The following CDH12 variants were observed in gnomAD, a reference collection of about 807,000 sequenced individuals.
CDH12 encodes cadherin 12, also known as cadherin-12.
Under a neutral mutation model 74.1 loss-of-function variants are expected in CDH12, and 41 were observed. That is an observed-to-expected ratio of 0.55 (90% CI 0.43 to 0.72). CDH12 has a LOEUF of 0.72. Among genes scored for constraint, CDH12 ranks in the 30% least tolerant of loss-of-function variants. CDH12 has a pLI of 0.00. For synonymous variants in CDH12, 399 were observed against 355.0 expected, an observed-to-expected ratio of 1.12 and a Z score of -1.39; for missense variants, 945 against 977.2, an observed-to-expected ratio of 0.97 and a Z score of 0.44.
chr5:22,079,168 A>C (rs1742543988), intron 4 of CDH12, among the ~76,000 whole-genome samples: 1 of 152,218 alleles, frequency 6.6e-6, no homozygotes, highest in African/African-American at 2.4e-5. Flanking sequence ...AAAGTGAGCT[A>C]TTAAGTTAGA....
At chr5:21,857,596 C>G (rs1022413389) in intron 6 of CDH12, among the ~76,000 whole-genome samples, 2 of 151,770 alleles carry the variant, frequency 1.3e-5, no homozygotes, top group African/African-American at 4.8e-5. Context: ...ATTTATAAAA[C>G]TATGATAAAG....
intron 2 of CDH12, among the ~76,000 whole-genome samples, chr5:22,413,760 T>C (rs1040602517): frequency 5.3e-5 from 8 of 152,038 alleles, no homozygotes; most frequent in Non-Finnish European, 1.2e-4. Flanking sequence ...TTATCAGCTT[T>C]CTGCTATTTT....
intron 6 of CDH12, among the ~76,000 whole-genome samples, chr5:21,938,245 T>A (rs867974925): frequency 2.0e-5 from 3 of 151,944 alleles, no homozygotes; most frequent in South Asian, 2.1e-4. Context: ...TGACTACTGT[T>A]TTGTATAAGT....
At position 21,751,926 on chromosome 5, in the gene CDH12, T is replaced by C. The variant is rs1744100748; in HGVS notation, c.2196A>G (p.Pro732=). ...QENDVDPTAP[P]YDSLATYAYE... is the part of the protein sequence containing the mutation. ...AGGCATATGTGGCCAGTGAATCGTA[T>C]GGTGGGGCAGTTGGATCCACATCAT... Residue 732 remains proline (P), a synonymous_variant, in exon 15 of 15, where the codon CCA becomes CCG. Coordinates refer to ENST00000382254, the MANE Select transcript of CDH12 (RefSeq NM_004061.5). 1 of 1,614,066 alleles carries C rather than the reference T, an allele frequency of 6.2e-7. No individual in the cohort carries two copies. Among genetic ancestry groups the C allele is most frequent in the East Asian group, 2.2e-5 (1 of 44,862 alleles).
chr5:22,366,460 T>C (rs1227904861), intron 3 of CDH12, among the ~76,000 whole-genome samples: 3 of 152,138 alleles, frequency 2.0e-5, no homozygotes, highest in Admixed American at 1.3e-4. Context: ...AACATCTTTG[T>C]CCTTATCTTG....
At chr5:22,275,216 C>T (rs1736578109) in intron 3 of CDH12, among the ~76,000 whole-genome samples, 2 of 151,748 alleles carry the variant, frequency 1.3e-5, no homozygotes, top group Non-Finnish European at 2.9e-5. Context: ...ATGGGTGCAG[C>T]AAACCACCAT....
chr5:22,804,626 A>T (rs1187825108), intron 1 of CDH12, among the ~76,000 whole-genome samples: 1 of 152,182 alleles, frequency 6.6e-6, no homozygotes, highest in Non-Finnish European at 1.5e-5. Context: ...AAAGCCTTTA[A>T]ATGATTGGAT....
intron 3 of CDH12, among the ~76,000 whole-genome samples, chr5:22,318,151 A>C (rs913256678): frequency 2.0e-5 from 3 of 152,230 alleles, no homozygotes; most frequent in African/African-American, 4.8e-5. Context: ...TGGAGTGTCA[A>C]ATCAAATCAC....
At chr5:22,069,719 G>C (rs1741812044) in intron 5 of CDH12, among the ~76,000 whole-genome samples, 1 of 152,104 alleles carries the variant, frequency 6.6e-6, no homozygotes, top group African/African-American at 2.4e-5. Context: ...GATTCATCTT[G>C]AGTGCCAATG....
chr5:22,708,558 C>T (rs1416495099), intron 1 of CDH12, among the ~76,000 whole-genome samples: 1 of 151,950 alleles, frequency 6.6e-6, no homozygotes, highest in Non-Finnish European at 1.5e-5. Flanking sequence ...TGCAAACACA[C>T]CAGGGTAAAA....
intron 6 of CDH12, among the ~76,000 whole-genome samples, chr5:21,898,707 AT>A (rs1432648531): frequency 2.0e-5 from 3 of 151,930 alleles, no homozygotes; most frequent in Admixed American, 1.3e-4. Flanking sequence ...TCTCAAAAAA[AT>A]AAGTAAATAA....
chr5:22,801,879 A>C (rs920389707), intron 1 of CDH12, among the ~76,000 whole-genome samples: 8 of 151,154 alleles, frequency 5.3e-5, no homozygotes, highest in Admixed American at 4.0e-4. Flanking sequence ...CTTCTAAAAA[A>C]TTGTTATTCA....
Position 22,801,678 on chromosome 5 carries a change from TATATATAC to T in CDH12, c.-523+51372_-523+51379del, listed in dbSNP as rs60796488. On this transcript the variant is annotated intron_variant, in intron 1 of 14. Coordinates refer to ENST00000382254, the MANE Select transcript of CDH12 (RefSeq NM_004061.5). ...ATATATATATATATATATATATATA[TATATATAC>T]ACTTTGTTTAATAGGGAGAACACAT... is the stretch of plus-strand genomic sequence containing the variant. Among the ~76,000 whole-genome samples, 202 of 91,228 alleles carry T rather than the reference TATATATAC, an allele frequency of 2.2e-3. 4 individuals carry two copies. The highest frequency in any genetic ancestry group is 9.0e-3 in the African/African-American group (160 of 17,732). 59.8% of individuals were successfully genotyped at this position (91,228 alleles called of 152,430 possible).
At chr5:22,701,469 T>A (rs1742711242) in intron 1 of CDH12, among the ~76,000 whole-genome samples, 1 of 152,138 alleles carries the variant, frequency 6.6e-6, no homozygotes, top group African/African-American at 2.4e-5. Context: ...CTTCTTGTCC[T>A]GAAAACAAAA....
At chr5:22,471,270 G>A (rs1745947693) in intron 2 of CDH12, among the ~76,000 whole-genome samples, 1 of 152,138 alleles carries the variant, frequency 6.6e-6, no homozygotes, top group South Asian at 2.1e-4. Context: ...CTCTCTGCAG[G>A]TTTGTATGTA....
chr5:22,818,590 A>G (rs894523293), intron 1 of CDH12, among the ~76,000 whole-genome samples: 17 of 152,174 alleles, frequency 1.1e-4, no homozygotes, highest in African/African-American at 3.1e-4. Context: ...AGGATGCTTA[A>G]AAATCTAAAT....
intron 5 of CDH12, among the ~76,000 whole-genome samples, chr5:22,017,046 C>A (rs1486227532): frequency 1.3e-5 from 2 of 152,094 alleles, no homozygotes; most frequent in East Asian, 3.8e-4. Flanking sequence ...CAAACTCAAG[C>A]TAACTGGATC....
intron 3 of CDH12, among the ~76,000 whole-genome samples, chr5:22,394,373 T>A (rs1201203800): frequency 2.0e-5 from 3 of 152,070 alleles, no homozygotes; most frequent in African/African-American, 7.2e-5. Context: ...GATGATAATA[T>A]GACAGAAAAT....
chr5:22,731,966 A>G (rs564508661), intron 1 of CDH12, among the ~76,000 whole-genome samples: 1 of 152,038 alleles, frequency 6.6e-6, no homozygotes, highest in South Asian at 2.1e-4. Context: ...ACAATAATGA[A>G]GGAAAACAAA....
Sources: allele counts gnomAD v4.1 joint callset (sites outside exome capture counted in the v4.1 genomes callset), GRCh38; gene constraint gnomAD v4.1.1; transcripts MANE v1.5; gene names NCBI Gene and HGNC (gene_info 2026-07-23, HGNC 2026-07-21).